The following VPS13A variants were observed in gnomAD, a reference collection of about 807,000 sequenced individuals.
The protein encoded by VPS13A is intermembrane lipid transfer protein VPS13A.
Under a neutral mutation model 390.9 loss-of-function variants are expected in VPS13A, and 264 were observed. The ratio of observed to expected loss-of-function variants is 0.68; its 90% confidence interval spans 0.61 to 0.75. VPS13A has a LOEUF of 0.75. VPS13A is among the 30% of genes least tolerant of loss of function. The pLI is 0.00. For synonymous variants in VPS13A, 1,231 were observed against 1,227.1 expected, an observed-to-expected ratio of 1.00 and a Z score of -0.07; for missense variants, 3,409 against 3,733.9, an observed-to-expected ratio of 0.91 and a Z score of 2.27.
chr9:77,285,669 T>C (rs1827283238), intron 31 of VPS13A, among the ~76,000 whole-genome samples: 1 of 152,202 alleles, frequency 6.6e-6, no homozygotes, highest in Admixed American at 6.5e-5. Context: ...CTTCCTGTTT[T>C]CTGAAAAATT....
chr9:77,314,712 T>C, intron 37 of VPS13A, 48 bp downstream of exon 37: 1 of 1,571,810 alleles, frequency 6.4e-7, no homozygotes, highest in African/African-American at 1.3e-5. Flanking sequence ...AAATCGTTGA[T>C]ATATTTTACA....
rs1334643387 is a variant in VPS13A, at chr9:77,419,281, T to TA, written c.*3281dup. 11 of 152,110 alleles carry TA rather than the reference T, an allele frequency of 7.2e-5. No homozygotes were observed. Among genetic ancestry groups the TA allele is most frequent in the Non-Finnish European group, 1.5e-4 (10 of 68,016 alleles). The allele number at this position is 152,110 out of a possible 1,614,324, so 9.4% of individuals were successfully genotyped here. On this transcript the variant is annotated 3_prime_UTR_variant, in exon 72 of 72. Coordinates refer to ENST00000360280, the MANE Select transcript of VPS13A (RefSeq NM_033305.3). ...CCAGTATATTTTAAACGTGAAATAA[T>TA]AAAAAATAGAGGAACAATAGAGCAT...
intron 26 of VPS13A, among the ~76,000 whole-genome samples, chr9:77,278,048 GT>G (rs1411404894): frequency 2.0e-5 from 3 of 151,734 alleles, no homozygotes; most frequent in South Asian, 2.1e-4. Flanking sequence ...CAGTTACTAA[GT>G]TTTTTTTATT....
chr9:77,278,122 G>A (rs1266470087), intron 26 of VPS13A, among the ~76,000 whole-genome samples: 1 of 151,900 alleles, frequency 6.6e-6, no homozygotes, highest in Non-Finnish European at 1.5e-5. Context: ...CCAGGCTGGA[G>A]TGCAGTGGCA....
chr9:77,302,084 A>G (rs947515293), intron 33 of VPS13A, among the ~76,000 whole-genome samples: 3 of 151,880 alleles, frequency 2.0e-5, no homozygotes, highest in Non-Finnish European at 4.4e-5. Flanking sequence ...CAGCCTCTCA[A>G]GTAGCTGGGA....
intron 70 of VPS13A, among the ~76,000 whole-genome samples, chr9:77,407,314 A>T (rs1022381972): frequency 6.6e-6 from 1 of 152,182 alleles, no homozygotes; most frequent in African/African-American, 2.4e-5. Flanking sequence ...TAAGCTTTTT[A>T]ACTTAGGTTT....
At chr9:77,407,422 T>C in intron 70 of VPS13A, 111 bp from the exon 71 acceptor site, 1 of 829,824 alleles carries the variant, frequency 1.2e-6, no homozygotes, top group Non-Finnish European at 2.0e-6. Context: ...AGGTGCATGA[T>C]TTGTATAAGA....
intron 34 of VPS13A, among the ~76,000 whole-genome samples, chr9:77,306,401 AGTGTGTGTGTGTTTGTGTGTGTGTGT>A (rs1828745993): frequency 9.3e-6 from 1 of 107,696 alleles, no homozygotes; most frequent in African/African-American, 3.5e-5. Context: ...AGAGAGAGAG[AGTGTGTGTGTGTTTGTGTGTGTGTGT>A]GTGTGTGTGT....
intron 31 of VPS13A, among the ~76,000 whole-genome samples, chr9:77,293,051 T>G (rs942597321): frequency 2.0e-5 from 3 of 152,032 alleles, no homozygotes; most frequent in African/African-American, 7.3e-5. Flanking sequence ...AAAATGCATA[T>G]TCAGATATTT....
chr9:77,203,227 T>G (rs1275664032), intron 3 of VPS13A, among the ~76,000 whole-genome samples: 1 of 152,222 alleles, frequency 6.6e-6, no homozygotes, highest in Non-Finnish European at 1.5e-5. Flanking sequence ...TGTATTTTTT[T>G]GAAATTTGCC....
At chr9:77,314,220 G>T in intron 36 of VPS13A, 101 bp downstream of exon 36, 4 of 1,304,232 alleles carry the variant, frequency 3.1e-6, no homozygotes, top group South Asian at 1.3e-5. Context: ...TTATTTTGTA[G>T]TATCTGTCCC....
rs2131378901 is a variant in VPS13A at position 77,296,986 on chromosome 9, C to T, written c.3812+1140C>T. ...TTATTAATATCTGTAATGATGTGTC[C>T]TCCCTCATTCCTGATATTTATAATT... On this transcript the variant is annotated intron_variant, in intron 33 of 71. Coordinates refer to ENST00000360280, the MANE Select transcript of VPS13A (RefSeq NM_033305.3). Among the ~76,000 whole-genome samples, 3 of 151,844 alleles carry T rather than the reference C, an allele frequency of 2.0e-5. No individual in the cohort carries two copies. The South Asian group carries it at 6.2e-4, about 32-fold the overall frequency.
chr9:77,357,367 A>G (rs903056941), intron 55 of VPS13A, among the ~76,000 whole-genome samples: 1 of 149,816 alleles, frequency 6.7e-6, no homozygotes, highest in Non-Finnish European at 1.5e-5. Flanking sequence ...CTTTTAAGAT[A>G]CTAGATGCTA....
At chr9:77,225,742 A>G (rs575923431) in intron 13 of VPS13A, among the ~76,000 whole-genome samples, 184 bp from the exon 14 acceptor site, 1 of 152,286 alleles carries the variant, frequency 6.6e-6, no homozygotes, top group South Asian at 2.1e-4. Flanking sequence ...ACTAATTTCC[A>G]TGCTGATATA....
chr9:77,330,903 C>A (rs1012462746), intron 45 of VPS13A, among the ~76,000 whole-genome samples: 3 of 151,938 alleles, frequency 2.0e-5, no homozygotes, highest in Non-Finnish European at 4.4e-5. Context: ...ATTTCCAGTA[C>A]CATATTTTAA....
intron 17 of VPS13A, among the ~76,000 whole-genome samples, chr9:77,233,181 A>G (rs1823936811): frequency 1.3e-5 from 2 of 151,476 alleles, no homozygotes; most frequent in South Asian, 2.1e-4. Context: ...TCATTTATCT[A>G]TTTTGTTGGT....
Position 77,281,923 on chromosome 9 carries a change from T to C in VPS13A, c.2961T>C (p.Ile987=), listed in dbSNP as rs766752658. The change falls in exon 28 of 72, where the codon ATT becomes ATC. Residue 987 remains isoleucine, a synonymous_variant. Transcript: ENST00000360280. ...KSTYNNVLQL[I]KVNFSSLDIH... is the part of the protein sequence containing the mutation. Reference sequence around the variant, plus strand: ...CCTATAACAATGTTTTACAATTGATTAAGGTATGAGTAGATAATTTATTTT... The same window carrying C: ...CCTATAACAATGTTTTACAATTGATCAAGGTATGAGTAGATAATTTATTTT... 1.0e-5 allele frequency: 16 copies of C among 1,561,814 alleles called. No homozygotes were observed. The highest frequency in any genetic ancestry group is 6.2e-6 in the Non-Finnish European group (7 of 1,134,376).
rs904020140 is a variant in VPS13A, at chr9:77,381,973, T to C, written c.9078-3T>C. On this transcript the variant is annotated splice_region_variant and splice_polypyrimidine_tract_variant and intron_variant, in intron 67 of 71. Coordinates refer to ENST00000360280, the MANE Select transcript of VPS13A (RefSeq NM_033305.3). ...AAATAAAGTTATATTTTTTTTCCTCTAGAGCTACAGAGACTTCTGAAGTGG... is the reference window on the plus strand; with the variant it reads ...AAATAAAGTTATATTTTTTTTCCTCCAGAGCTACAGAGACTTCTGAAGTGG... 6.3e-7 allele frequency: 1 copy of C among 1,591,484 alleles called. No homozygotes were observed. Among genetic ancestry groups the C allele is most frequent in the African/African-American group, 1.3e-5 (1 of 74,490 alleles).
At position 77,237,928 on chromosome 9, in the gene VPS13A, T is replaced by C. The variant is rs147307402; in HGVS notation, c.1596-74T>C. ...AGTGAAGTTGTCTTCATTAATTTTT[T>C]AAATCATTTTCAATTTTTAAAATCC... On this transcript the variant is annotated intron_variant, in intron 17 of 71. Coordinates refer to ENST00000360280, the MANE Select transcript of VPS13A (RefSeq NM_033305.3). The C allele has an allele frequency of 8.2e-4, 972 of 1,186,294 alleles. 2 individuals carry two copies. In the African/African-American group the frequency reaches 0.013, roughly 16 times the overall value. The allele number at this position is 1,186,294 out of a possible 1,614,324, so 73.5% of individuals were successfully genotyped here.
Sources: gnomAD v4.1 joint callset for allele counts (sites outside exome capture counted in the v4.1 genomes callset) on GRCh38, gnomAD v4.1.1 for gene constraint, MANE v1.5 for transcripts, NCBI Gene and HGNC (gene_info 2026-07-23, HGNC 2026-07-21) for gene names.